WWOX: variants seen among roughly 807,000 people sequenced by gnomAD.
WWOX encodes the protein WW domain-containing oxidoreductase.
A neutral mutation model predicts 46.2 loss-of-function variants in WWOX; 69 were observed. The observed-to-expected ratio is 1.49, with a 90% CI of 1.23 to 1.82. WWOX has a LOEUF of 1.82. WWOX is among the 40% of genes most tolerant of loss of function. WWOX has a pLI of 0.00. For missense variants in WWOX, 919 were observed against 542.6 expected (o/e 1.69, Z -6.89); for synonymous variants, 359 against 202.6 (o/e 1.77, Z -6.56).
intron 8 of WWOX, chr16:79,205,504 C>T (rs1472299110): frequency 6.6e-6 from 1 of 152,214 alleles, no homozygotes; most frequent in Non-Finnish European, 1.5e-5. Flanking sequence ...TAAGAGTTGG[C>T]ATGGGATCTA....
At chr16:78,364,418 G>A (rs1429400478) in intron 5 of WWOX, among the ~76,000 whole-genome samples, 1 of 152,006 alleles carries the variant, frequency 6.6e-6, no homozygotes, top group East Asian at 1.9e-4. Context: ...AGCATTTTTA[G>A]TAGTACTGTT....
chr16:78,803,174 G>C (rs954416962), intron 8 of WWOX, among the ~76,000 whole-genome samples: 1 of 151,404 alleles, frequency 6.6e-6, no homozygotes, highest in African/African-American at 2.4e-5. Context: ...CACACAACAA[G>C]TCAGTTCTTA....
At chr16:78,389,056 G>A (rs1349922542) in intron 6 of WWOX, among the ~76,000 whole-genome samples, 1 of 152,088 alleles carries the variant, frequency 6.6e-6, no homozygotes, top group South Asian at 2.1e-4. Context: ...GTCAGTCTTA[G>A]TGAGAGTTGC....
At chr16:79,189,423 T>TTGTGTGTGTGTGTG (rs4035319) in intron 8 of WWOX, among the ~76,000 whole-genome samples, 2 of 114,972 alleles carry the variant, frequency 1.7e-5, no homozygotes, top group East Asian at 5.1e-4. Context: ...ACTCCCAGCT[T>TTGTGTGTGTGTGTG]TGTGTGTGTG....
chr16:78,520,141 G>A (rs773936374), intron 8 of WWOX, among the ~76,000 whole-genome samples: 5 of 152,136 alleles, frequency 3.3e-5, no homozygotes, highest in South Asian at 2.1e-4. Flanking sequence ...ATCCTTGTTC[G>A]CATGTCCAGT....
At chr16:79,034,933 G>C (rs942285927) in intron 8 of WWOX, among the ~76,000 whole-genome samples, 1 of 152,124 alleles carries the variant, frequency 6.6e-6, no homozygotes, top group Admixed American at 6.5e-5. Context: ...TGATCTTCTA[G>C]TAGGATTATT....
chr16:78,902,528 C>A, intron 8 of WWOX, among the ~76,000 whole-genome samples: 1 of 152,206 alleles, frequency 6.6e-6, no homozygotes, highest in Non-Finnish European at 1.5e-5. Flanking sequence ...GCTTTCCAGG[C>A]CTTCCCCCGT....
chr16:78,901,575 C>T (rs758034180), intron 8 of WWOX, among the ~76,000 whole-genome samples: 3 of 152,168 alleles, frequency 2.0e-5, no homozygotes, highest in Non-Finnish European at 4.4e-5. Context: ...GCAGCCTGTG[C>T]TTCCCAGACT....
At chr16:78,698,400 T>C (rs1381039484) in intron 8 of WWOX, among the ~76,000 whole-genome samples, 4 of 152,220 alleles carry the variant, frequency 2.6e-5, no homozygotes, top group South Asian at 2.1e-4. Flanking sequence ...ATTTTGAAAA[T>C]TAAAATTCAT....
intron 1 of WWOX, among the ~76,000 whole-genome samples, chr16:78,102,466 T>C (rs1394137165): frequency 1.3e-5 from 2 of 152,228 alleles, no homozygotes; most frequent in Non-Finnish European, 1.5e-5. Flanking sequence ...TGGAAGAATT[T>C]CTGGCTCTGG....
chr16:78,419,534 C>T (rs755106203), intron 6 of WWOX, among the ~76,000 whole-genome samples: 2 of 143,234 alleles, frequency 1.4e-5, no homozygotes, highest in Admixed American at 7.4e-5. Context: ...TCAAAATAGT[C>T]TTTTCAACAG....
chr16:78,302,352 T>G (rs1451600092), intron 5 of WWOX, among the ~76,000 whole-genome samples: 3 of 152,084 alleles, frequency 2.0e-5, no homozygotes, highest in Non-Finnish European at 4.4e-5. Context: ...TAGGATTAAT[T>G]ATCAACTAAC....
chr16:78,128,910 G>C (rs1186808018), intron 4 of WWOX, among the ~76,000 whole-genome samples: 1 of 152,146 alleles, frequency 6.6e-6, no homozygotes, highest in Non-Finnish European at 1.5e-5. Context: ...CATTCCAAAT[G>C]GCATTAAAAA....
intron 8 of WWOX, among the ~76,000 whole-genome samples, chr16:78,685,942 G>T (rs1253713525): frequency 6.6e-6 from 1 of 151,934 alleles, no homozygotes; most frequent in Admixed American, 6.6e-5. Context: ...AGGGAGGGAG[G>T]AGAGACATGG....
chr16:78,511,144 C>G (rs1399675089), intron 8 of WWOX, among the ~76,000 whole-genome samples: 4 of 152,178 alleles, frequency 2.6e-5, no homozygotes, highest in African/African-American at 9.7e-5. Context: ...ATATTTACAG[C>G]CCTTGCAACC....
At chr16:78,982,611 T>G (rs1798381310) in intron 8 of WWOX, among the ~76,000 whole-genome samples, 1 of 152,156 alleles carries the variant, frequency 6.6e-6, no homozygotes, top group Admixed American at 6.5e-5. Context: ...TATGGCTTCT[T>G]GACAGGAGCA....
chr16:78,811,444 C>A (rs2051185738), intron 8 of WWOX, among the ~76,000 whole-genome samples: 2 of 151,856 alleles, frequency 1.3e-5, no homozygotes, highest in South Asian at 4.1e-4. Context: ...CCCTTTCTTC[C>A]TTTCCTTTCC....
At chr16:79,066,351 C>G (rs1020636590) in intron 8 of WWOX, among the ~76,000 whole-genome samples, 4 of 152,168 alleles carry the variant, frequency 2.6e-5, no homozygotes, top group African/African-American at 9.6e-5. Context: ...ATCTGTGTCA[C>G]CCAGTGGGAC....
At chr16:78,949,178 C>T (rs1055135908) in intron 8 of WWOX, among the ~76,000 whole-genome samples, 1 of 152,138 alleles carries the variant, frequency 6.6e-6, no homozygotes, top group African/African-American at 2.4e-5. Flanking sequence ...TTTCCTGGAG[C>T]CTCCAAAGAA....
Sources: gnomAD v4.1 joint callset for allele counts (sites outside exome capture counted in the v4.1 genomes callset) on GRCh38, gnomAD v4.1.1 for gene constraint, MANE v1.5 for transcripts, NCBI Gene and HGNC (gene_info 2026-07-23, HGNC 2026-07-21) for gene names.